BBX: variants seen among roughly 807,000 people sequenced by gnomAD.
The protein encoded by BBX is HMG box transcription factor BBX.
BBX carries 30 observed loss-of-function variants against 100.2 expected under a neutral mutation model. That is an observed-to-expected ratio of 0.30 (90% CI 0.22 to 0.41). The LOEUF (loss-of-function observed/expected upper bound fraction) is 0.41. Ranked by LOEUF, BBX falls within the 10% of genes least tolerant of loss-of-function variation. The pLI is 1.00. For missense variants in BBX, 1,023 were observed against 1,129.8 expected (o/e 0.91, Z 1.35); for synonymous variants, 376 against 388.1 (o/e 0.97, Z 0.37).
At chr3:107,564,858 A>G (rs2043057652) in intron 2 of BBX, among the ~76,000 whole-genome samples, 1 of 152,198 alleles carries the variant, frequency 6.6e-6, no homozygotes, top group Admixed American at 6.5e-5. Context: ...TGAATTTAGA[A>G]TCGCCTCTTG....
At chr3:107,629,181 CT>C (rs902197747) in intron 2 of BBX, among the ~76,000 whole-genome samples, 6 of 152,040 alleles carry the variant, frequency 3.9e-5, no homozygotes, top group Non-Finnish European at 8.8e-5. Context: ...TGTTCAGTAG[CT>C]TTTTCCGTTA....
rs541306604 is a variant in BBX, at chr3:107,692,538, G to T, written c.-9-17914G>T. Among the ~76,000 whole-genome samples the T allele has an allele frequency of 6.2e-4, 95 of 152,260 alleles. 1 individual carries two copies. In the Middle Eastern group the frequency reaches 0.01, roughly 16 times the overall value. ...AGGACATGAACTCATCATTTTTTAT[G>T]GCTGCATAGTAGTATTCTATGGTGT... On this transcript the variant is annotated intron_variant, in intron 3 of 17. Transcript: ENST00000325805.
intron 3 of BBX, among the ~76,000 whole-genome samples, chr3:107,707,065 A>T (rs1403369894): frequency 2.0e-5 from 3 of 152,216 alleles, no homozygotes; most frequent in African/African-American, 7.2e-5. Flanking sequence ...GAGGTATTTC[A>T]TAGTTATTAG....
chr3:107,725,456 A>G lies in BBX; in HGVS notation c.406-3309A>G, dbSNP rs76956863. Reference sequence around the variant, plus strand: ...ACTTCCAACACTATGTTGAATAGGAATGGTGAGAGAGGGCATCCCTGTCTT... The same window carrying G: ...ACTTCCAACACTATGTTGAATAGGAGTGGTGAGAGAGGGCATCCCTGTCTT... On this transcript the variant is annotated intron_variant, in intron 5 of 17. Transcript: ENST00000325805. Among the ~76,000 whole-genome samples the G allele has an allele frequency of 5.9e-5, 9 of 152,074 alleles. 1 individual carries two copies. The highest frequency in any genetic ancestry group is 5.8e-4 in the East Asian group (3 of 5,166).
At chr3:107,755,436 G>C (rs543637541) in intron 9 of BBX, among the ~76,000 whole-genome samples, 162 bp from the exon 10 acceptor site, 2 of 152,160 alleles carry the variant, frequency 1.3e-5, no homozygotes, top group East Asian at 3.9e-4. Context: ...TACTAAAAAT[G>C]GTTCTCAAAA....
intron 2 of BBX, among the ~76,000 whole-genome samples, chr3:107,630,826 A>C (rs772216966): frequency 2.6e-5 from 4 of 152,156 alleles, no homozygotes; most frequent in Non-Finnish European, 4.4e-5. Context: ...AATACTCAAC[A>C]GTGTCAGTCA....
intron 2 of BBX, among the ~76,000 whole-genome samples, chr3:107,595,460 C>T (rs1022644340): frequency 5.3e-5 from 8 of 152,100 alleles, no homozygotes; most frequent in African/African-American, 1.9e-4. Context: ...CAGGGTGAAC[C>T]AAGAACTTGG....
At chr3:107,636,668 A>G (rs1014966622) in intron 2 of BBX, among the ~76,000 whole-genome samples, 19 of 152,330 alleles carry the variant, frequency 1.2e-4, no homozygotes, top group Middle Eastern at 3.4e-3. Context: ...GGGTTGCTAC[A>G]CTGGAATTAG....
chr3:107,734,799 A>G (rs1439718127), intron 7 of BBX, among the ~76,000 whole-genome samples: 1 of 152,108 alleles, frequency 6.6e-6, no homozygotes, highest in Admixed American at 6.6e-5. Context: ...GCTCTTTTCA[A>G]TGAGAAGTTC....
At chr3:107,633,660 G>C (rs1194856353) in intron 2 of BBX, among the ~76,000 whole-genome samples, 2 of 152,154 alleles carry the variant, frequency 1.3e-5, no homozygotes, top group Non-Finnish European at 2.9e-5. Context: ...ACATCCAAGA[G>C]GAACTCACTT....
chr3:107,659,668 G>A (rs759449031), intron 3 of BBX: 1 of 1,172,240 alleles, frequency 8.5e-7, no homozygotes, highest in African/African-American at 1.6e-5. Flanking sequence ...CTGGCTGCAG[G>A]GTTTGTTCTC....
At chr3:107,738,642 C>G (rs1283339820) in intron 7 of BBX, among the ~76,000 whole-genome samples, 1 of 152,210 alleles carries the variant, frequency 6.6e-6, no homozygotes. Context: ...CTTCAGTCTT[C>G]TTGCAGCACG....
chr3:107,555,201 A>G (rs1053608290), intron 2 of BBX, among the ~76,000 whole-genome samples: 3 of 152,234 alleles, frequency 2.0e-5, no homozygotes, highest in Non-Finnish European at 2.9e-5. Context: ...CCCACCTCCT[A>G]TCTTCTCTCT....
At chr3:107,772,021 G>A (rs2066943793) in intron 10 of BBX, among the ~76,000 whole-genome samples, 1 of 152,070 alleles carries the variant, frequency 6.6e-6, no homozygotes, top group East Asian at 1.9e-4. Context: ...ATGCTCATTG[G>A]AGCATTTCGG....
chr3:107,591,860 A>AT (rs1318740370), intron 2 of BBX, among the ~76,000 whole-genome samples: 3 of 152,204 alleles, frequency 2.0e-5, no homozygotes, highest in Admixed American at 6.5e-5. Context: ...GAGGCAGAGT[A>AT]TTATAGGTGA....
At position 107,662,700 on chromosome 3, in the gene BBX, G is replaced by A. The variant is rs1293468809; in HGVS notation, c.-10+16791G>A. The A allele has an allele frequency of 2.1e-5, 3 of 144,558 alleles. No individual in the cohort carries two copies. In the South Asian group the frequency reaches 6.6e-4, roughly 32 times the overall value. The allele number at this position is 144,558 out of a possible 1,614,324, so 9.0% of individuals were successfully genotyped here. A position where few individuals can be genotyped will look rare whatever the true frequency, so the allele number is the denominator to read the frequency against. ...TATTTTTGCTGTTGTATTTTTAGAC[G>A]GTCCTAGCTAGTAGATGCATGCTTT... On this transcript the variant is annotated intron_variant, in intron 3 of 17. Transcript: ENST00000325805.
intron 7 of BBX, among the ~76,000 whole-genome samples, chr3:107,743,408 C>T (rs2064280007): frequency 6.6e-6 from 1 of 152,168 alleles, no homozygotes. Context: ...ACATTTGGCA[C>T]AGCATATCAA....
At chr3:107,578,042 A>C (rs1223479427) in intron 2 of BBX, among the ~76,000 whole-genome samples, 2 of 152,210 alleles carry the variant, frequency 1.3e-5, no homozygotes, top group African/African-American at 2.4e-5. Context: ...AAGTGGTTTT[A>C]GATAAAGTGC....
In BBX at chr3:107,618,942, C is replaced by A. The variant is rs2055517270; in HGVS notation, c.-83-26894C>A. 2.0e-5 allele frequency among the ~76,000 whole-genome samples: 3 copies of A among 151,976 alleles called. No individual in the cohort carries two copies. In the South Asian group the frequency reaches 6.2e-4, roughly 31 times the overall value. ...TTGATGATGTTGAGTTCTTATATAT[C>A]CTTTCTGATTTTCTAATTGTTCTGT... On this transcript the variant is annotated intron_variant, in intron 2 of 17. Coordinates refer to ENST00000325805, the MANE Select transcript of BBX (RefSeq NM_001142568.3).
Sources: allele counts gnomAD v4.1 joint callset (sites outside exome capture counted in the v4.1 genomes callset), GRCh38; gene constraint gnomAD v4.1.1; transcripts MANE v1.5; gene names NCBI Gene and HGNC (gene_info 2026-07-23, HGNC 2026-07-21).